The following CALY variants were observed in gnomAD, a reference collection of about 807,000 sequenced individuals.
The protein encoded by CALY is neuron-specific vesicular protein calcyon.
In CALY, 15 loss-of-function variants were observed where a neutral mutation model predicts 20.2. That is an observed-to-expected ratio of 0.74 (90% CI 0.50 to 1.14). CALY has a LOEUF of 1.14. Among genes scored for constraint, CALY ranks in the 50% most tolerant of loss-of-function variants. CALY has a pLI of 0.00. For missense variants in CALY, 270 were observed against 304.4 expected (o/e 0.89, Z 0.84); for synonymous variants, 129 against 131.8 (o/e 0.98, Z 0.15).
At chr10:133,331,596 A>G (rs1848309753) in intron 1 of CALY, among the ~76,000 whole-genome samples, 1 of 152,208 alleles carries the variant, frequency 6.6e-6, no homozygotes, top group Admixed American at 6.5e-5. Context: ...GGGCCTTCAC[A>G]TGGAATCCAG....
chr10:133,326,948 C>T lies in CALY; in HGVS notation c.290G>A (p.Gly97Asp). ...RMIAFAMALL[G>D]CVLIMYKAIW... ...GGCCTTGTACATGATCAGCACGCAGCCCAGTAGCGCCATGGCGAAGGCGAT... is the reference window on the plus strand; with the variant it reads ...GGCCTTGTACATGATCAGCACGCAGTCCAGTAGCGCCATGGCGAAGGCGAT... Residue 97 changes from glycine to aspartate, a missense_variant, in exon 4 of 6, where the codon GGC (glycine) becomes GAC (aspartate). Coordinates refer to ENST00000252939, the MANE Select transcript of CALY (RefSeq NM_015722.4). 1 of 1,611,058 alleles carries T rather than the reference C, an allele frequency of 6.2e-7. No individual in the cohort carries two copies. The highest frequency in any genetic ancestry group is 8.5e-7 in the Non-Finnish European group (1 of 1,179,420).
chr10:133,329,105 T>C, intron 1 of CALY, 96 bp from the exon 2 acceptor site: 1 of 1,063,918 alleles, frequency 9.4e-7, no homozygotes, highest in Non-Finnish European at 1.3e-6. Context: ...CTGGGCCTAA[T>C]GCTCCTCACA....
Position 133,328,942 on chromosome 10 carries a change from A to G in CALY, c.48T>C (p.Pro16=). 1.3e-6 allele frequency: 2 copies of G among 1,563,488 alleles called. No homozygotes were observed. The highest frequency in any genetic ancestry group is 8.7e-7 in the Non-Finnish European group (1 of 1,153,026). The change falls in exon 2 of 6, where the codon CCT becomes CCC. Residue 16 remains proline, a synonymous_variant. Transcript: ENST00000252939. ...CSFSGKPGKD[P]GDQDGAAMDS... ...CCATGGCAGCCCCATCCTGGTCCCC[A>G]GGGTCTTTACCTGGCTTCCCAGAGA...
chr10:133,330,289 G>A (rs1459415333), intron 1 of CALY, among the ~76,000 whole-genome samples: 1 of 136,030 alleles, frequency 7.4e-6, no homozygotes, highest in Non-Finnish European at 1.6e-5. Flanking sequence ...GGAGGCGGAG[G>A]TTGCAATGAG....
intron 3 of CALY, 44 bp downstream of exon 3, chr10:133,327,859 TCC>T: frequency 7.6e-7 from 1 of 1,313,284 alleles, no homozygotes; most frequent in Non-Finnish European, 1.1e-6. Flanking sequence ...TTCCACCTTC[TCC>T]TCCTGTCCTG....
intron 3 of CALY, chr10:133,327,625 G>A: frequency 1.7e-6 from 1 of 600,322 alleles, no homozygotes. Context: ...GACCCACTGG[G>A]CAAACAAGCA....
chr10:133,328,981 C>T lies in CALY; in HGVS notation c.9G>A (p.Lys3=). Residue 3 remains lysine (K), a synonymous_variant, in exon 2 of 6, where the codon AAG becomes AAA. Transcript: ENST00000252939. Reference sequence around the variant, plus strand: ...GCTTCCCAGAGAAGCTGCAGCCCAGCTTCACCATGGTGGATGGCAGTCCTT... The same window carrying T: ...GCTTCCCAGAGAAGCTGCAGCCCAGTTTCACCATGGTGGATGGCAGTCCTT... The part of the protein sequence containing the change: MV[K]LGCSFSGKPG... 1 of 1,563,194 alleles carries T rather than the reference C, an allele frequency of 6.4e-7. No individual in the cohort carries two copies. Among genetic ancestry groups the T allele is most frequent in the Non-Finnish European group, 8.7e-7 (1 of 1,153,030 alleles).
In CALY at chr10:133,324,154, C is replaced by A; in HGVS notation, c.*1441G>T. ...CATATATCCCAGCTGACGCCCCAGG[C>A]CCCGGGCCCCCCTCCCTTGCAGGCC... is the stretch of plus-strand genomic sequence containing the variant. On this transcript the variant is annotated 3_prime_UTR_variant, in exon 6 of 6. Transcript: ENST00000252939. 3 of 327,298 alleles carry A rather than the reference C, an allele frequency of 9.2e-6. No individual in the cohort carries two copies. Among genetic ancestry groups the A allele is most frequent in the South Asian group, 6.8e-5 (3 of 43,922 alleles). The allele number at this position is 327,298 out of a possible 1,614,324, so 20.3% of individuals were successfully genotyped here. A position where few individuals can be genotyped will look rare whatever the true frequency, so the allele number is the denominator to read the frequency against.
intron 1 of CALY, among the ~76,000 whole-genome samples, chr10:133,332,650 A>G (rs911915439): frequency 3.3e-5 from 5 of 152,186 alleles, no homozygotes; most frequent in African/African-American, 4.8e-5. Flanking sequence ...AATACATCCA[A>G]GTCCTAGGAT....
chr10:133,335,703 C>A (rs577266279), intron 1 of CALY, among the ~76,000 whole-genome samples: 18 of 152,268 alleles, frequency 1.2e-4, no homozygotes, highest in Non-Finnish European at 1.8e-4. Flanking sequence ...ACACGCGGCT[C>A]GTGGAACTGG....
intron 1 of CALY, among the ~76,000 whole-genome samples, chr10:133,332,752 G>T (rs142536427): frequency 6.6e-6 from 1 of 152,264 alleles, no homozygotes; most frequent in Non-Finnish European, 1.5e-5. Context: ...CTGAATCAGC[G>T]TGGGCCTTGA....
At chr10:133,326,337 G>A in intron 4 of CALY, 6 of 1,431,124 alleles carry the variant, frequency 4.2e-6, no homozygotes, top group Non-Finnish European at 5.8e-6. Flanking sequence ...CACCCAGGGA[G>A]AGGGGCGCAG....
At chr10:133,325,725 G>A in intron 5 of CALY, 74 bp downstream of exon 5, 1 of 651,154 alleles carries the variant, frequency 1.5e-6, no homozygotes, top group East Asian at 4.2e-5. Context: ...GGGGGTCTTT[G>A]GCTCAGAAGC....
intron 4 of CALY, 68 bp downstream of exon 4, chr10:133,326,810 C>A: frequency 1.9e-6 from 2 of 1,030,630 alleles, no homozygotes; most frequent in South Asian, 2.7e-5. Flanking sequence ...ACCCCTGCCA[C>A]CCCCTGCCTG....
At chr10:133,334,974 A>G (rs1413087838) in intron 1 of CALY, among the ~76,000 whole-genome samples, 1 of 152,138 alleles carries the variant, frequency 6.6e-6, no homozygotes, top group Non-Finnish European at 1.5e-5. Context: ...GGCAGGGGCA[A>G]TGGGCACTCG....
intron 3 of CALY, chr10:133,327,681 C>T (rs770377910): frequency 3.6e-5 from 23 of 635,232 alleles, no homozygotes; most frequent in Non-Finnish European, 6.0e-5. Context: ...ATCTCAGGAG[C>T]GCCACTGTTT....
At chr10:133,325,591 G>A in intron 5 of CALY, 25 bp from the exon 6 acceptor site, 1 of 292,494 alleles carries the variant, frequency 3.4e-6, no homozygotes, top group Non-Finnish European at 6.3e-6. Flanking sequence ...CCCGAGGGTT[G>A]AGAGCGGCGA....
chr10:133,326,065 T>C lies in CALY; in HGVS notation c.416A>G (p.Glu139Gly). The C allele has an allele frequency of 6.3e-7, 1 of 1,599,042 alleles. No homozygotes were observed. The part of the protein sequence containing the change: ...LEMYYTEMDP[E>G]RHRSILAAIG... ...GGCCGCCAGGATGCTGCGGTGGCGCTCGGGGTCCATCTCCGTGTAGTACAT... is the reference window on the plus strand; with the variant it reads ...GGCCGCCAGGATGCTGCGGTGGCGCCCGGGGTCCATCTCCGTGTAGTACAT... Residue 139 changes from glutamate (E) to glycine (G), a missense_variant, in exon 5 of 6, where the codon GAG becomes GGG. By Grantham distance (98) the Glu-to-Gly change is moderately conservative. Transcript: ENST00000252939.
chr10:133,327,734 G>A (rs896362757), intron 3 of CALY, 171 bp downstream of exon 3: 2 of 710,352 alleles, frequency 2.8e-6, no homozygotes, highest in Non-Finnish European at 2.6e-6. Context: ...CCTGGTGGGT[G>A]CAGGGCAGCC....
Sources: gnomAD v4.1 joint callset for allele counts (sites outside exome capture counted in the v4.1 genomes callset) on GRCh38, gnomAD v4.1.1 for gene constraint, MANE v1.5 for transcripts, NCBI Gene and HGNC (gene_info 2026-07-23, HGNC 2026-07-21) for gene names.